The following XIRP2 variants were observed in gnomAD, a reference collection of about 807,000 sequenced individuals.
The protein encoded by XIRP2 is xin actin-binding repeat-containing protein 2.
XIRP2 carries 236 observed loss-of-function variants against 277.0 expected under a neutral mutation model. The observed-to-expected ratio is 0.85, with a 90% CI of 0.77 to 0.95. The LOEUF is 0.95. Among genes scored for constraint, XIRP2 ranks in the 40% least tolerant of loss-of-function variants. The pLI is 0.00. For synonymous variants in XIRP2, 1,490 were observed against 1,416.5 expected (o/e 1.05, Z -1.17); for missense variants, 4,640 against 4,157.5 (o/e 1.12, Z -3.19).
chr2:167,239,776 T>G, intron 5 of XIRP2, 79 bp from the exon 6 acceptor site: 1 of 1,192,150 alleles, frequency 8.4e-7, no homozygotes, highest in South Asian at 1.4e-5. Flanking sequence ...TCAGAAATTG[T>G]CACTGAAATT....
At chr2:166,917,915 T>C (rs1378051180) in intron 2 of XIRP2, among the ~76,000 whole-genome samples, 1 of 152,332 alleles carries the variant, frequency 6.6e-6, no homozygotes, top group Non-Finnish European at 1.5e-5. Context: ...CCTTTCCCTG[T>C]CCTCCTATGA....
chr2:167,056,286 A>G (rs1219199637), intron 2 of XIRP2, among the ~76,000 whole-genome samples: 2 of 152,164 alleles, frequency 1.3e-5, no homozygotes, highest in Non-Finnish European at 2.9e-5. Context: ...TATAAAATCA[A>G]TGTTGGAACA....
intron 1 of XIRP2, among the ~76,000 whole-genome samples, chr2:166,898,075 A>G (rs1164703746): frequency 1.3e-5 from 2 of 152,060 alleles, no homozygotes; most frequent in Admixed American, 6.6e-5. Flanking sequence ...CCCAGGCTAT[A>G]AGATCATTCT....
At chr2:167,032,383 G>T (rs1688388251) in intron 2 of XIRP2, among the ~76,000 whole-genome samples, 1 of 152,216 alleles carries the variant, frequency 6.6e-6, no homozygotes, top group Non-Finnish European at 1.5e-5. Context: ...CAGGACATAA[G>T]CGTGGGCAAA....
At chr2:167,125,664 T>G (rs1465355399) in intron 2 of XIRP2, among the ~76,000 whole-genome samples, 2 of 152,194 alleles carry the variant, frequency 1.3e-5, no homozygotes, top group Non-Finnish European at 2.9e-5. Context: ...CATTTCCTCA[T>G]TTTTCGTATT....
At chr2:167,137,530 A>G (rs1691589633) in intron 3 of XIRP2, among the ~76,000 whole-genome samples, 1 of 152,214 alleles carries the variant, frequency 6.6e-6, no homozygotes, top group Non-Finnish European at 1.5e-5. Context: ...TCGAAGTTAC[A>G]TGAGATAATT....
At chr2:167,035,714 G>A (rs1424972945) in intron 2 of XIRP2, among the ~76,000 whole-genome samples, 1 of 152,172 alleles carries the variant, frequency 6.6e-6, no homozygotes, top group Admixed American at 6.5e-5. Context: ...TGCATAAGTA[G>A]CAAAGGGCAT....
chr2:166,967,837 T>C lies in XIRP2; in HGVS notation c.408+63947T>C, dbSNP rs564451465. ...GATTATTCTAGTTCCCCACCTTTGC[T>C]ACTTTTAATTTTTTTGATTTTCCTC... On this transcript the variant is annotated intron_variant, in intron 2 of 10. Coordinates refer to ENST00000409195, the MANE Select transcript of XIRP2 (RefSeq NM_152381.6). Among the ~76,000 whole-genome samples the C allele has an allele frequency of 1.4e-4, 22 of 152,078 alleles. No individual in the cohort carries two copies. In the South Asian group the frequency reaches 4.6e-3, roughly 32 times the overall value.
chr2:167,174,233 C>A (rs1267333569), intron 3 of XIRP2, among the ~76,000 whole-genome samples: 1 of 152,154 alleles, frequency 6.6e-6, no homozygotes, highest in African/African-American at 2.4e-5. Flanking sequence ...GGCTGTGAAT[C>A]TGTCTGGTCC....
At position 167,247,540 on chromosome 2, in the gene XIRP2, C is replaced by G; in HGVS notation, c.6148C>G (p.His2050Asp). ...EKSLRRLSNS[H>D]HKSNVLESGD... ...AAGCCTTAGAAGACTATCTAATTCACACCATAAATCTAATGTTTTGGAATC... is the reference window on the plus strand; with the variant it reads ...AAGCCTTAGAAGACTATCTAATTCAGACCATAAATCTAATGTTTTGGAATC... The change falls in exon 9 of 11, where the codon CAC becomes GAC. Residue 2050 changes from histidine to aspartate, a missense_variant. Transcript: ENST00000409195. The G allele has an allele frequency of 6.2e-7, 1 of 1,613,696 alleles. No individual in the cohort carries two copies. Among genetic ancestry groups the G allele is most frequent in the Admixed American group, 1.7e-5 (1 of 59,962 alleles).
chr2:166,987,649 T>A (rs1687041696), intron 2 of XIRP2, among the ~76,000 whole-genome samples: 1 of 152,188 alleles, frequency 6.6e-6, no homozygotes, highest in African/African-American at 2.4e-5. Context: ...CAGATCTTGT[T>A]CTCTAAAACT....
At chr2:167,161,298 G>T (rs763407712) in intron 3 of XIRP2, among the ~76,000 whole-genome samples, 14 of 152,230 alleles carry the variant, frequency 9.2e-5, no homozygotes, top group Middle Eastern at 3.2e-3. Flanking sequence ...ACTAGGTGGT[G>T]CCCCAGTAGG....
intron 2 of XIRP2, among the ~76,000 whole-genome samples, chr2:167,104,517 G>C (rs1015422992): frequency 6.6e-6 from 1 of 151,954 alleles, no homozygotes; most frequent in Admixed American, 6.6e-5. Flanking sequence ...TAAAATACTG[G>C]CCTGAACTGA....
chr2:167,192,277 A>G (rs1466851759), intron 3 of XIRP2, among the ~76,000 whole-genome samples: 1 of 152,208 alleles, frequency 6.6e-6, no homozygotes, highest in Non-Finnish European at 1.5e-5. Context: ...AATGAACATT[A>G]AATTTTGATA....
At chr2:167,220,686 G>T (rs930410144) in intron 5 of XIRP2, among the ~76,000 whole-genome samples, 2 of 152,128 alleles carry the variant, frequency 1.3e-5, no homozygotes, top group Admixed American at 6.5e-5. Flanking sequence ...TGTTGGCTCC[G>T]AATGGAATAT....
intron 5 of XIRP2, among the ~76,000 whole-genome samples, chr2:167,237,470 G>A (rs954931792): frequency 6.6e-6 from 1 of 151,822 alleles, no homozygotes; most frequent in Non-Finnish European, 1.5e-5. Context: ...TTAAATATTA[G>A]CAAGTGATAG....
At chr2:166,977,111 A>AC (rs1686735603) in intron 2 of XIRP2, among the ~76,000 whole-genome samples, 3 of 150,940 alleles carry the variant, frequency 2.0e-5, no homozygotes, top group South Asian at 4.2e-4. Context: ...CTCTGTTGGT[A>AC]TTTTTTTTTC....
intron 2 of XIRP2, among the ~76,000 whole-genome samples, chr2:166,913,025 C>T (rs1684755595): frequency 6.6e-6 from 1 of 152,186 alleles, no homozygotes; most frequent in African/African-American, 2.4e-5. Context: ...CTGGAGGATG[C>T]CTCCCAGTCA....
chr2:167,246,620 T>G lies in XIRP2; in HGVS notation c.5228T>G (p.Val1743Gly). ...ATTGATGCCTCTGAGAGAGGAAATGTTCAGTTTTTCACAACCTGCATAGAA... is the reference window on the plus strand; with the variant it reads ...ATTGATGCCTCTGAGAGAGGAAATGGTCAGTTTTTCACAACCTGCATAGAA... ...AKIDASERGN[V>G]QFFTTCIEAG... Residue 1743 changes from valine to glycine, a missense_variant, in exon 9 of 11, where the codon GTT becomes GGT. Coordinates refer to ENST00000409195, the MANE Select transcript of XIRP2 (RefSeq NM_152381.6). 6.2e-7 allele frequency: 1 copy of G among 1,613,820 alleles called. No homozygotes were observed. Among genetic ancestry groups the G allele is most frequent in the Non-Finnish European group, 8.5e-7 (1 of 1,179,854 alleles).
Sources: gnomAD v4.1 joint callset for allele counts (sites outside exome capture counted in the v4.1 genomes callset) on GRCh38, gnomAD v4.1.1 for gene constraint, MANE v1.5 for transcripts, NCBI Gene and HGNC (gene_info 2026-07-23, HGNC 2026-07-21) for gene names.